Variants in TARS3 observed in about 807,000 individuals in gnomAD.
TARS3 encodes threonine--tRNA ligase 2, cytoplasmic.
In TARS3, 94 loss-of-function variants were observed where a neutral mutation model predicts 103.5. That is an observed-to-expected ratio of 0.91 (90% CI 0.77 to 1.08). The LOEUF is 1.08. TARS3 is among the 50% of genes least tolerant of loss of function. The pLI is 0.00. For synonymous variants in TARS3, 416 were observed against 355.4 expected (o/e 1.17, Z -1.92); for missense variants, 952 against 995.2 (o/e 0.96, Z 0.58).
At chr15:101,690,158 G>C (rs1898651713) in intron 10 of TARS3, among the ~76,000 whole-genome samples, 1 of 152,162 alleles carries the variant, frequency 6.6e-6, no homozygotes, top group African/African-American at 2.4e-5. Context: ...GGCACAGGGG[G>C]TGAGCCAGGC....
chr15:101,669,107 C>G (rs1229132289), intron 15 of TARS3, among the ~76,000 whole-genome samples: 2 of 152,144 alleles, frequency 1.3e-5, no homozygotes, highest in African/African-American at 4.8e-5. Context: ...CTGGAACCTT[C>G]CACTGGGACA....
At chr15:101,701,974 C>T (rs541746977) in intron 9 of TARS3, among the ~76,000 whole-genome samples, 1 of 152,096 alleles carries the variant, frequency 6.6e-6, no homozygotes, top group African/African-American at 2.4e-5. Context: ...GGTGGGGTTT[C>T]ACCAAAAACA....
At chr15:101,698,972 T>G (rs947516227) in intron 10 of TARS3, among the ~76,000 whole-genome samples, 9 of 152,170 alleles carry the variant, frequency 5.9e-5, no homozygotes, top group Non-Finnish European at 5.9e-5. Context: ...AAAAGTTGAA[T>G]CTTATTAAAG....
intron 12 of TARS3, among the ~76,000 whole-genome samples, chr15:101,680,391 G>A (rs1898213211): frequency 6.6e-6 from 1 of 152,154 alleles, no homozygotes; most frequent in South Asian, 2.1e-4. Flanking sequence ...ATGCCTGTTG[G>A]CATCTGTTGG....
intron 13 of TARS3, among the ~76,000 whole-genome samples, chr15:101,675,229 T>C (rs1292949123): frequency 6.6e-6 from 1 of 152,164 alleles, no homozygotes; most frequent in East Asian, 1.9e-4. Flanking sequence ...ATCTAGACCA[T>C]GCAGCCCTGG....
At chr15:101,679,231 C>A (rs570913855) in intron 12 of TARS3, among the ~76,000 whole-genome samples, 50 of 152,250 alleles carry the variant, frequency 3.3e-4, no homozygotes, top group African/African-American at 1.2e-3. Context: ...TCACTCCCAC[C>A]TTCAGTCTCC....
intron 13 of TARS3, among the ~76,000 whole-genome samples, chr15:101,673,988 A>G (rs1187384326): frequency 1.3e-5 from 2 of 152,184 alleles, no homozygotes; most frequent in Non-Finnish European, 2.9e-5. Flanking sequence ...AGTTTCAGTT[A>G]CCCGCAGTCG....
intron 15 of TARS3, among the ~76,000 whole-genome samples, chr15:101,668,200 C>T (rs1897656279): frequency 6.6e-6 from 1 of 152,216 alleles, no homozygotes; most frequent in African/African-American, 2.4e-5. Context: ...AGTCCTTCCT[C>T]ACCAAGCTTA....
At position 101,716,036 on chromosome 15, in the gene TARS3, T is replaced by C. The variant is rs1363438669; in HGVS notation, c.567-1073A>G. Reference sequence around the variant, plus strand: ...TCCTTTGCCTATTTTCTTTTTTTTTTTGAGACAGTCTCACTTTGTTGCCAG... The same window carrying C: ...TCCTTTGCCTATTTTCTTTTTTTTTCTGAGACAGTCTCACTTTGTTGCCAG... On this transcript the variant is annotated intron_variant, in intron 3 of 18. Transcript: ENST00000335968. 2.6e-5 allele frequency among the ~76,000 whole-genome samples: 4 copies of C among 152,182 alleles called. No homozygotes were observed. In the East Asian group the frequency reaches 7.7e-4, roughly 29 times the overall value.
At chr15:101,659,229 AT>A (rs1897291086) in intron 16 of TARS3, among the ~76,000 whole-genome samples, 1 of 152,214 alleles carries the variant, frequency 6.6e-6, no homozygotes, top group Non-Finnish European at 1.5e-5. Context: ...CATAGTGAGT[AT>A]TTAGTCTGAA....
At chr15:101,661,893 A>C (rs1897395805) in intron 15 of TARS3, 77 bp from the exon 16 acceptor site, 11 of 907,820 alleles carry the variant, frequency 1.2e-5, no homozygotes, top group Non-Finnish European at 1.8e-5. Flanking sequence ...TTTAATTTTG[A>C]GAATAGATTT....
At chr15:101,677,250 C>G (rs1377625598) in intron 12 of TARS3, among the ~76,000 whole-genome samples, 2 of 152,196 alleles carry the variant, frequency 1.3e-5, no homozygotes, top group South Asian at 2.1e-4. Flanking sequence ...TAAACAACTT[C>G]CACCCTCACC....
intron 3 of TARS3, 50 bp downstream of exon 3, chr15:101,721,076 C>G: frequency 6.7e-7 from 1 of 1,494,570 alleles, no homozygotes; most frequent in Non-Finnish European, 9.2e-7. Context: ...TTTCACCAGG[C>G]TTCAGTATAA....
At chr15:101,713,337 T>G (rs1355730472) in intron 4 of TARS3, among the ~76,000 whole-genome samples, 2 of 152,184 alleles carry the variant, frequency 1.3e-5, no homozygotes, top group Non-Finnish European at 2.9e-5. Flanking sequence ...CCAGAGACCA[T>G]GCAGGCCTTG....
At chr15:101,718,612 C>A (rs933520202) in intron 3 of TARS3, among the ~76,000 whole-genome samples, 1 of 152,120 alleles carries the variant, frequency 6.6e-6, no homozygotes, top group Admixed American at 6.6e-5. Flanking sequence ...TAAATCCAGA[C>A]AATAGAGGCC....
intron 10 of TARS3, among the ~76,000 whole-genome samples, chr15:101,698,796 T>C (rs1312283203): frequency 3.3e-5 from 5 of 152,228 alleles, no homozygotes; most frequent in African/African-American, 1.2e-4. Flanking sequence ...TCCTGGATTT[T>C]TGAGCCAATG....
chr15:101,669,312 T>C (rs1404131547), intron 15 of TARS3, among the ~76,000 whole-genome samples: 1 of 152,232 alleles, frequency 6.6e-6, no homozygotes, highest in African/African-American at 2.4e-5. Flanking sequence ...TATAATGTAT[T>C]TGTGTTTTAA....
chr15:101,685,260 G>C (rs143908702), intron 11 of TARS3, among the ~76,000 whole-genome samples: 1 of 152,128 alleles, frequency 6.6e-6, no homozygotes, highest in Non-Finnish European at 1.5e-5. Context: ...TTCAGTTTCA[G>C]TTGTACAATA....
chr15:101,662,323 C>T (rs547674854), intron 15 of TARS3, among the ~76,000 whole-genome samples: 8 of 152,280 alleles, frequency 5.3e-5, no homozygotes, highest in Admixed American at 5.2e-4. Flanking sequence ...AAGTAAGCCA[C>T]TTCAAGATCT....
Sources: allele counts gnomAD v4.1 joint callset (sites outside exome capture counted in the v4.1 genomes callset), GRCh38; gene constraint gnomAD v4.1.1; transcripts MANE v1.5; gene names NCBI Gene and HGNC (gene_info 2026-07-23, HGNC 2026-07-21).